The following OSBPL6 variants were observed in gnomAD, a reference collection of about 807,000 sequenced individuals.
The protein encoded by OSBPL6 is oxysterol-binding protein-related protein 6.
OSBPL6 carries 49 observed loss-of-function variants against 125.8 expected under a neutral mutation model. That is an observed-to-expected ratio of 0.39 (90% CI 0.31 to 0.49). The LOEUF (loss-of-function observed/expected upper bound fraction) is 0.49. OSBPL6 is among the 20% of genes least tolerant of loss of function. The probability of loss-of-function intolerance (pLI) is 0.88; values close to 1 mark genes in which losing one functional copy is unlikely to be tolerated. For synonymous variants in OSBPL6, 394 were observed against 391.8 expected, an observed-to-expected ratio of 1.01 and a Z score of -0.07; for missense variants, 986 against 1,135.4, an observed-to-expected ratio of 0.87 and a Z score of 1.89.
intron 2 of OSBPL6, among the ~76,000 whole-genome samples, chr2:178,301,258 A>G (rs1686253667): frequency 6.6e-6 from 1 of 152,148 alleles, no homozygotes; most frequent in Non-Finnish European, 1.5e-5. Flanking sequence ...GATCAAGACT[A>G]AATGTATAAC....
rs145991368 is a variant in OSBPL6 at position 178,316,253 on chromosome 2, G to A, written c.103-7924G>A. ...TTTTTGGAGTGAAATTTAGTGATAT[G>A]TATCTAAAGTCTTTTTAAAAAGTCA... On this transcript the variant is annotated intron_variant, in intron 3 of 24. Coordinates refer to ENST00000190611, the MANE Select transcript of OSBPL6 (RefSeq NM_032523.4). 2.9e-3 allele frequency among the ~76,000 whole-genome samples: 449 copies of A among 152,216 alleles called. 5 individuals carry two copies. Among genetic ancestry groups the A allele is most frequent in the African/African-American group, 0.011 (437 of 41,516 alleles).
At chr2:178,395,020 G>A (rs768713726) in intron 24 of OSBPL6, among the ~76,000 whole-genome samples, 3 of 152,148 alleles carry the variant, frequency 2.0e-5, no homozygotes, top group Non-Finnish European at 2.9e-5. Flanking sequence ...TAGAAATGCA[G>A]CCTTGCCCTT....
chr2:178,327,760 C>T (rs1335100384), intron 4 of OSBPL6, among the ~76,000 whole-genome samples: 4 of 152,108 alleles, frequency 2.6e-5, no homozygotes, highest in Non-Finnish European at 4.4e-5. Context: ...AAGCAAACCT[C>T]CCCGAGAGCA....
intron 22 of OSBPL6, 69 bp downstream of exon 22, chr2:178,391,286 G>A: frequency 1.4e-6 from 2 of 1,448,084 alleles, no homozygotes; most frequent in East Asian, 2.4e-5. Context: ...AGAACATCAG[G>A]TCATCTTATG....
At chr2:178,255,520 G>C (rs907371412) in intron 1 of OSBPL6, among the ~76,000 whole-genome samples, 1 of 152,096 alleles carries the variant, frequency 6.6e-6, no homozygotes, top group Non-Finnish European at 1.5e-5. Flanking sequence ...GATTTGGGTG[G>C]GGACACAGCC....
intron 2 of OSBPL6, among the ~76,000 whole-genome samples, chr2:178,286,774 T>C (rs902634389): frequency 1.2e-4 from 18 of 152,210 alleles, no homozygotes; most frequent in Admixed American, 1.2e-3. Context: ...GTCCATTTTC[T>C]AGGCCCTCAC....
chr2:178,265,426 C>A (rs1439430622), intron 1 of OSBPL6, among the ~76,000 whole-genome samples: 2 of 151,540 alleles, frequency 1.3e-5, no homozygotes, highest in East Asian at 3.9e-4. Context: ...ATTGCCCAGT[C>A]TGGTCTCAAA....
chr2:178,285,337 T>G (rs554231315), intron 2 of OSBPL6, among the ~76,000 whole-genome samples: 2 of 152,300 alleles, frequency 1.3e-5, no homozygotes, highest in African/African-American at 4.8e-5. Flanking sequence ...GTGAAAATAT[T>G]TGGTAACCAT....
At chr2:178,227,330 T>A (rs1250603061) in intron 1 of OSBPL6, among the ~76,000 whole-genome samples, 2 of 152,202 alleles carry the variant, frequency 1.3e-5, no homozygotes, top group African/African-American at 4.8e-5. Flanking sequence ...CAAATATGGA[T>A]CCACAGGATC....
chr2:178,213,896 C>G (rs2089976674), intron 1 of OSBPL6, among the ~76,000 whole-genome samples: 1 of 152,182 alleles, frequency 6.6e-6, no homozygotes, highest in African/African-American at 2.4e-5. Context: ...CCTGCTTGCC[C>G]TTCTCATCTT....
intron 15 of OSBPL6, among the ~76,000 whole-genome samples, chr2:178,380,822 A>G (rs933259842): frequency 2.0e-5 from 3 of 152,242 alleles, no homozygotes; most frequent in Non-Finnish European, 4.4e-5. Flanking sequence ...TTGCCTTTCC[A>G]AATAAAGTAG....
intron 1 of OSBPL6, among the ~76,000 whole-genome samples, chr2:178,257,996 G>A (rs1045162858): frequency 2.0e-5 from 3 of 151,930 alleles, no homozygotes; most frequent in Non-Finnish European, 2.9e-5. Context: ...TACCTATGTT[G>A]CCCAAACTGG....
intron 12 of OSBPL6, among the ~76,000 whole-genome samples, chr2:178,353,801 C>T (rs1691512997): frequency 6.6e-6 from 1 of 152,098 alleles, no homozygotes; most frequent in African/African-American, 2.4e-5. Context: ...TCAGATTCAC[C>T]AAAGTTGAAA....
chr2:178,394,000 G>GA (rs1425338478), intron 23 of OSBPL6, among the ~76,000 whole-genome samples: 1 of 152,198 alleles, frequency 6.6e-6, no homozygotes, highest in African/African-American at 2.4e-5. Flanking sequence ...CAGTTGTCCT[G>GA]AAAATCTCAA....
chr2:178,268,128 G>A (rs1018898422), intron 1 of OSBPL6, among the ~76,000 whole-genome samples: 1 of 151,156 alleles, frequency 6.6e-6, no homozygotes, highest in Admixed American at 6.6e-5. Context: ...TGTTGCCCAG[G>A]CTAGAGTGCA....
In OSBPL6 at chr2:178,382,503, G is replaced by A; in HGVS notation, c.1617G>A (p.Arg539=). ...DNTSVADNIS[R]QILNGELTGG... ...CCAGTGTTGCAGACAATATTTCTCG[G>A]CAAAGTATGCATCATTTGAGCTTCC... Residue 539 remains arginine, a synonymous_variant, in exon 16 of 25, where the codon CGG becomes CGA. Coordinates refer to ENST00000190611, the MANE Select transcript of OSBPL6 (RefSeq NM_032523.4). The A allele has an allele frequency of 2.5e-6, 4 of 1,613,980 alleles. No homozygotes were observed. Among genetic ancestry groups the A allele is most frequent in the African/African-American group, 1.3e-5 (1 of 74,972 alleles).
At chr2:178,364,821 G>C (rs775992837) in intron 13 of OSBPL6, among the ~76,000 whole-genome samples, 1 of 152,150 alleles carries the variant, frequency 6.6e-6, no homozygotes, top group African/African-American at 2.4e-5. Context: ...AGATGTTGAC[G>C]AGTTGCAATG....
chr2:178,393,130 A>G (rs1010289077), intron 23 of OSBPL6, among the ~76,000 whole-genome samples: 3 of 152,196 alleles, frequency 2.0e-5, no homozygotes, highest in African/African-American at 7.2e-5. Flanking sequence ...AGGTCTGTAA[A>G]TTTGTGAACT....
At chr2:178,235,889 A>G (rs1223946991) in intron 1 of OSBPL6, among the ~76,000 whole-genome samples, 1 of 152,102 alleles carries the variant, frequency 6.6e-6, no homozygotes, top group African/African-American at 2.4e-5. Context: ...TCATAGCTGG[A>G]TATTTTATTT....
Sources: gnomAD v4.1 joint callset for allele counts (sites outside exome capture counted in the v4.1 genomes callset) on GRCh38, gnomAD v4.1.1 for gene constraint, MANE v1.5 for transcripts, NCBI Gene and HGNC (gene_info 2026-07-23, HGNC 2026-07-21) for gene names.